SGF29: variants seen among roughly 807,000 people sequenced by gnomAD.
The protein encoded by SGF29 is SAGA-associated factor 29.
In SGF29, 15 loss-of-function variants were observed where a neutral mutation model predicts 38.1. The ratio of observed to expected loss-of-function variants is 0.39; its 90% CI spans 0.26 to 0.61. SGF29 has a LOEUF of 0.61. SGF29 is among the 20% of genes least tolerant of loss of function. The probability of loss-of-function intolerance (pLI) is 0.49; values close to 1 mark genes in which losing one functional copy is unlikely to be tolerated. For missense variants in SGF29, 184 were observed against 394.6 expected (o/e 0.47, Z 4.52); for synonymous variants, 151 against 160.8 (o/e 0.94, Z 0.46).
At chr16:28,567,778 G>A (rs1156805457) in intron 1 of SGF29, among the ~76,000 whole-genome samples, 1 of 152,136 alleles carries the variant, frequency 6.6e-6, no homozygotes, top group East Asian at 1.9e-4. Context: ...ACATGTTAGT[G>A]GAAACTGGGG....
chr16:28,569,449 C>G (rs1038913152), intron 1 of SGF29, among the ~76,000 whole-genome samples: 1 of 151,902 alleles, frequency 6.6e-6, no homozygotes, highest in Admixed American at 6.6e-5. Context: ...CACTTGAGCT[C>G]AGGAGTTCAA....
intron 5 of SGF29, among the ~76,000 whole-genome samples, chr16:28,589,767 C>G (rs934553993): frequency 6.6e-6 from 1 of 152,094 alleles, no homozygotes; most frequent in African/African-American, 2.4e-5. Flanking sequence ...GTGCAGAGTT[C>G]AATGAAATAG....
chr16:28,569,973 C>T (rs1175355782), intron 1 of SGF29, among the ~76,000 whole-genome samples: 2 of 152,228 alleles, frequency 1.3e-5, no homozygotes, highest in African/African-American at 4.8e-5. Context: ...CATGGCTACC[C>T]CCACCTAGAT....
At chr16:28,568,060 C>T (rs928012060) in intron 1 of SGF29, among the ~76,000 whole-genome samples, 2 of 151,706 alleles carry the variant, frequency 1.3e-5, no homozygotes, top group Non-Finnish European at 2.9e-5. Context: ...CGCCTGTAAC[C>T]CCAGCACTTT....
At chr16:28,556,562 G>A (rs1285970229) in intron 1 of SGF29, among the ~76,000 whole-genome samples, 1 of 152,184 alleles carries the variant, frequency 6.6e-6, no homozygotes, top group Non-Finnish European at 1.5e-5. Context: ...GGCCAGGCTG[G>A]TCTTGAACTC....
At chr16:28,584,804 A>G (rs962774513) in intron 2 of SGF29, 109 bp from the exon 3 acceptor site, 74 of 687,816 alleles carry the variant, frequency 1.1e-4, no homozygotes, top group African/African-American at 3.9e-4. Context: ...AAAAAAAAAA[A>G]AAAGAAAATG....
At chr16:28,575,062 T>C (rs865978663) in intron 1 of SGF29, among the ~76,000 whole-genome samples, 2 of 152,296 alleles carry the variant, frequency 1.3e-5, no homozygotes, top group Middle Eastern at 3.4e-3. Flanking sequence ...GGTCACACCA[T>C]CTTGATGTTA....
chr16:28,589,274 C>T, intron 5 of SGF29, 110 bp downstream of exon 5: 1 of 1,110,032 alleles, frequency 9.0e-7, no homozygotes, highest in Non-Finnish European at 1.4e-6. Context: ...TGCTGGCATC[C>T]TCCCATGGAG....
At chr16:28,589,075 C>T (rs199621933) in intron 4 of SGF29, 25 bp from the exon 5 acceptor site, 105 of 1,613,754 alleles carry the variant, frequency 6.5e-5, no homozygotes, top group Non-Finnish European at 8.3e-5. Flanking sequence ...ACCAAACCCT[C>T]TTTCTCCCTT....
Position 28,590,769 on chromosome 16 carries a change from C to A in SGF29, c.603-4C>A. 2 of 1,614,054 alleles carry A rather than the reference C, an allele frequency of 1.2e-6. No individual in the cohort carries two copies. Among genetic ancestry groups the A allele is most frequent in the Non-Finnish European group, 1.7e-6 (2 of 1,179,966 alleles). On this transcript the variant is annotated splice_polypyrimidine_tract_variant and splice_region_variant and intron_variant, in intron 8 of 9. Coordinates refer to ENST00000317058, the MANE Select transcript of SGF29 (RefSeq NM_138414.3). The surrounding 1 kb of genome is among the most constrained non-coding windows in gnomAD (Gnocchi z 8.2). ...CAGGTTGATATAAGCCCCTCTTCCC[C>A]CAGGAGACACACCCTGAGCCGGCGC...
chr16:28,571,030 G>T (rs1174674528), intron 1 of SGF29, among the ~76,000 whole-genome samples: 1 of 152,118 alleles, frequency 6.6e-6, no homozygotes, highest in Non-Finnish European at 1.5e-5. Flanking sequence ...GCCAAATGCT[G>T]TGGTCTGAGT....
At chr16:28,589,848 C>G (rs1233532297) in intron 5 of SGF29, among the ~76,000 whole-genome samples, 1 of 152,138 alleles carries the variant, frequency 6.6e-6, no homozygotes, top group Non-Finnish European at 1.5e-5. Context: ...ACCTTGGAAC[C>G]CGCTTTCTTT....
Position 28,585,007 on chromosome 16 carries a change from G to C in SGF29, c.151+19G>C, listed in dbSNP as rs1413422990. 1 of 1,604,908 alleles carries C rather than the reference G, an allele frequency of 6.2e-7. No homozygotes were observed. The highest frequency in any genetic ancestry group is 1.7e-5 in the Admixed American group (1 of 59,928). On this transcript the variant is annotated intron_variant, in intron 3 of 9. Transcript: ENST00000317058. The stretch of plus-strand genomic sequence containing the variant: ...AACAAGAGTGAGTAGCTGGGCTCAG[G>C]AGAGAAAGGGGATGAGATGGGGCTA...
chr16:28,585,397 G>T, intron 3 of SGF29: 1 of 571,214 alleles, frequency 1.8e-6, no homozygotes, highest in Non-Finnish European at 3.1e-6. Context: ...AATATTTTCT[G>T]TGAGTGTCAT....
chr16:28,558,879 C>T (rs2046768718), intron 1 of SGF29, among the ~76,000 whole-genome samples: 1 of 152,006 alleles, frequency 6.6e-6, no homozygotes, highest in East Asian at 1.9e-4. Context: ...TAATGGCTGC[C>T]AGTGACTGAG....
rs2046978473 is a variant in SGF29 at position 28,590,024 on chromosome 16, TCA to T, written c.290-71_290-70del. 1 of 1,534,288 alleles carries T rather than the reference TCA, an allele frequency of 6.5e-7. No homozygotes were observed. Among genetic ancestry groups the T allele is most frequent in the Admixed American group, 2.1e-5 (1 of 48,000 alleles). Reference sequence around the variant, plus strand: ...GGCTCCCAGGTGCTCCTTCAACAGCTCAGTGCAGCATGCTCGGGGGTCAAGGC... The same window carrying T: ...GGCTCCCAGGTGCTCCTTCAACAGCTGTGCAGCATGCTCGGGGGTCAAGGC... On this transcript the variant is annotated intron_variant, in intron 5 of 9. Transcript: ENST00000317058. The surrounding 1 kb of genome is among the most constrained non-coding windows in gnomAD (Gnocchi z 8.2).
At chr16:28,584,720 C>T (rs892082368) in intron 2 of SGF29, among the ~76,000 whole-genome samples, 193 bp from the exon 3 acceptor site, 7 of 146,320 alleles carry the variant, frequency 4.8e-5, no homozygotes, top group Admixed American at 2.8e-4. Context: ...ACCCGGGAGG[C>T]GGAGCTTGCA....
chr16:28,556,807 C>G (rs1341658611), intron 1 of SGF29, among the ~76,000 whole-genome samples: 3 of 152,118 alleles, frequency 2.0e-5, no homozygotes, highest in African/African-American at 7.2e-5. Context: ...CCCTGCCCAG[C>G]TAATTATTTT....
intron 1 of SGF29, among the ~76,000 whole-genome samples, chr16:28,577,314 C>T (rs940488455): frequency 2.7e-5 from 4 of 149,154 alleles, no homozygotes; most frequent in Non-Finnish European, 5.9e-5. Flanking sequence ...GTTGTGCAAC[C>T]ATCAGCACAA....
Sources: gnomAD v4.1 joint callset for allele counts (sites outside exome capture counted in the v4.1 genomes callset) on GRCh38, gnomAD v4.1.1 for gene constraint, Gnocchi (gnomAD v3.1) non-coding constraint, MANE v1.5 for transcripts, NCBI Gene and HGNC (gene_info 2026-07-23, HGNC 2026-07-21) for gene names.